Variants in PCCA observed in about 807,000 individuals in gnomAD.
The protein encoded by PCCA is propionyl-CoA carboxylase alpha chain, mitochondrial.
In PCCA, 74 loss-of-function variants were observed where a neutral mutation model predicts 101.3. That is an observed-to-expected ratio of 0.73 (90% CI 0.61 to 0.89). The LOEUF (loss-of-function observed/expected upper bound fraction) is 0.89, where lower values mean the gene tolerates loss of function less well. Among genes scored for constraint, PCCA ranks in the 40% least tolerant of loss-of-function variants. The pLI is 0.00. For synonymous variants in PCCA, 294 were observed against 313.6 expected, an observed-to-expected ratio of 0.94 and a Z score of 0.66; for missense variants, 891 against 907.0, an observed-to-expected ratio of 0.98 and a Z score of 0.23.
intron 21 of PCCA, among the ~76,000 whole-genome samples, chr13:100,452,657 T>A (rs1478691184): frequency 1.3e-5 from 2 of 151,886 alleles, no homozygotes; most frequent in East Asian, 1.9e-4. Flanking sequence ...TTATTTATTT[T>A]TTTCATTAGC....
At chr13:100,223,278 C>T (rs185063064) in intron 7 of PCCA, among the ~76,000 whole-genome samples, 7 of 152,234 alleles carry the variant, frequency 4.6e-5, no homozygotes, top group Admixed American at 2.6e-4. Context: ...AATGAAGCCG[C>T]GGACCCTCGC....
chr13:100,390,272 G>A (rs957711365), intron 19 of PCCA, among the ~76,000 whole-genome samples: 4 of 152,098 alleles, frequency 2.6e-5, no homozygotes, highest in Non-Finnish European at 5.9e-5. Context: ...ACTATTATTA[G>A]TCCTATTTTT....
chr13:100,209,416 A>T lies in PCCA; in HGVS notation c.553A>T (p.Lys185Ter), dbSNP rs888667904. The change falls in exon 7 of 24, where the codon AAG becomes TAG. Residue 185 changes from lysine (K) to a stop codon, truncating the protein, a stop_gained. Transcript: ENST00000376285. LOFTEE classifies it high-confidence loss of function. Reference protein sequence around the residue: ...GDKIESKLLAKKAEVNTIPGF... With the variant: ...GDKIESKLLA ...CAAGATTGAAAGCAAATTATTAGCT[A>T]AGAAAGCAGAGGTTAATACAATCCC... The T allele has an allele frequency of 6.2e-7, 1 of 1,613,384 alleles. No individual in the cohort carries two copies. Among genetic ancestry groups the T allele is most frequent in the Non-Finnish European group, 8.5e-7 (1 of 1,179,412 alleles).
At chr13:100,344,233 G>A (rs1047305337) in intron 18 of PCCA, among the ~76,000 whole-genome samples, 5 of 152,180 alleles carry the variant, frequency 3.3e-5, no homozygotes, top group Non-Finnish European at 7.4e-5. Flanking sequence ...AAAATAAATT[G>A]TATTCGAAAC....
chr13:100,180,454 T>C (rs893682820), intron 6 of PCCA, among the ~76,000 whole-genome samples: 1 of 152,342 alleles, frequency 6.6e-6, no homozygotes, highest in Non-Finnish European at 1.5e-5. Flanking sequence ...AAGATTCCTC[T>C]TCCCACAATG....
At chr13:100,362,803 A>G (rs976033062) in intron 18 of PCCA, among the ~76,000 whole-genome samples, 3 of 152,216 alleles carry the variant, frequency 2.0e-5, no homozygotes, top group African/African-American at 7.2e-5. Context: ...TCTCAGCATG[A>G]TTATGTGATA....
chr13:100,389,049 A>G (rs1040199710), intron 19 of PCCA, among the ~76,000 whole-genome samples: 1 of 152,228 alleles, frequency 6.6e-6, no homozygotes, highest in Non-Finnish European at 1.5e-5. Context: ...AAAAGAGATG[A>G]TACATCTGAC....
chr13:100,125,317 T>C (rs1404699438), intron 4 of PCCA, among the ~76,000 whole-genome samples: 1 of 152,234 alleles, frequency 6.6e-6, no homozygotes, highest in African/African-American at 2.4e-5. Context: ...AGGAAATCTA[T>C]AGGATTCTTA....
intron 6 of PCCA, chr13:100,161,424 G>A (rs2054461967): frequency 6.6e-6 from 1 of 152,218 alleles, no homozygotes; most frequent in South Asian, 2.1e-4. Flanking sequence ...TTTAGAAAGT[G>A]TTCAAAAGTA....
chr13:100,267,023 C>T (rs1159682175), intron 10 of PCCA, among the ~76,000 whole-genome samples: 1 of 152,066 alleles, frequency 6.6e-6, no homozygotes, highest in African/African-American at 2.4e-5. Flanking sequence ...AAATAATCAG[C>T]AAATCATTTT....
At chr13:100,343,031 T>C (rs985192177) in intron 18 of PCCA, among the ~76,000 whole-genome samples, 5 of 152,108 alleles carry the variant, frequency 3.3e-5, no homozygotes, top group Admixed American at 3.3e-4. Context: ...ACCTTGTGTC[T>C]GCTAAGTACA....
intron 6 of PCCA, among the ~76,000 whole-genome samples, chr13:100,159,745 C>CA (rs1239218734): frequency 1.3e-5 from 2 of 152,202 alleles, no homozygotes; most frequent in African/African-American, 4.8e-5. Flanking sequence ...CTCCACCCAG[C>CA]CTGACTGTGC....
intron 19 of PCCA, among the ~76,000 whole-genome samples, chr13:100,381,807 T>C (rs1284242460): frequency 6.6e-6 from 1 of 152,170 alleles, no homozygotes; most frequent in Non-Finnish European, 1.5e-5. Context: ...GCCAGTGGGA[T>C]CAAACTCCAC....
chr13:100,437,112 G>A (rs74113903), intron 20 of PCCA, among the ~76,000 whole-genome samples: 1 of 152,274 alleles, frequency 6.6e-6, no homozygotes, highest in African/African-American at 2.4e-5. Context: ...GTGTAGGAAA[G>A]GGTCTGCCTC....
At chr13:100,461,175 T>G (rs1201275192) in intron 21 of PCCA, among the ~76,000 whole-genome samples, 2 of 152,242 alleles carry the variant, frequency 1.3e-5, no homozygotes, top group Non-Finnish European at 2.9e-5. Flanking sequence ...CCCGTGGGGT[T>G]GTTATTGCTA....
At chr13:100,212,416 G>A (rs1024460134) in intron 7 of PCCA, among the ~76,000 whole-genome samples, 1 of 152,154 alleles carries the variant, frequency 6.6e-6, no homozygotes, top group African/African-American at 2.4e-5. Context: ...GATCCATTAA[G>A]AAAAAGTTTG....
At chr13:100,507,386 A>T (rs894169934) in intron 21 of PCCA, among the ~76,000 whole-genome samples, 1 of 152,166 alleles carries the variant, frequency 6.6e-6, no homozygotes, top group African/African-American at 2.4e-5. Context: ...GCCACACTCC[A>T]GGTAGGCTGC....
Position 100,426,183 on chromosome 13 carries a change from T to C in PCCA, c.1845+452T>C, listed in dbSNP as rs191109503. Among the ~76,000 whole-genome samples the C allele has an allele frequency of 3.3e-5, 5 of 152,330 alleles. No individual in the cohort carries two copies. The East Asian group carries it at 7.7e-4, about 23-fold the overall frequency. ...TTAAAAATTTAGTAATCTTAACTTA[T>C]TAATCTTTCTTTTCGCCTCAATATA... On this transcript the variant is annotated intron_variant, in intron 20 of 23. Transcript: ENST00000376285.
At chr13:100,265,085 T>A (rs1221590444) in intron 10 of PCCA, among the ~76,000 whole-genome samples, 1 of 152,240 alleles carries the variant, frequency 6.6e-6, no homozygotes, top group African/African-American at 2.4e-5. Flanking sequence ...ATTTTGTTTA[T>A]GAGTCCTTTG....
Sources: gnomAD v4.1 joint callset for allele counts (sites outside exome capture counted in the v4.1 genomes callset) on GRCh38, gnomAD v4.1.1 for gene constraint, MANE v1.5 for transcripts, NCBI Gene and HGNC (gene_info 2026-07-23, HGNC 2026-07-21) for gene names.